HSD17B6: variants seen among roughly 807,000 people sequenced by gnomAD.
HSD17B6 encodes 17-beta-hydroxysteroid dehydrogenase type 6.
Under a neutral mutation model 26.4 loss-of-function variants are expected in HSD17B6, and 16 were observed. The ratio of observed to expected loss-of-function variants is 0.61; its 90% CI spans 0.41 to 0.92. The LOEUF is 0.92. Among genes scored for constraint, HSD17B6 ranks in the 40% least tolerant of loss-of-function variants. The pLI is 0.00. For synonymous variants in HSD17B6, 139 were observed against 153.0 expected (o/e 0.91, Z 0.68); for missense variants, 357 against 386.1 (o/e 0.92, Z 0.63).
At chr12:56,779,116 A>G (rs1954656969) in intron 2 of HSD17B6, among the ~76,000 whole-genome samples, 1 of 151,594 alleles carries the variant, frequency 6.6e-6, no homozygotes, top group Non-Finnish European at 1.5e-5. Context: ...CATTTCTTTC[A>G]TCTATACTAC....
chr12:56,780,686 C>T lies in HSD17B6; in HGVS notation c.314-1288C>T, dbSNP rs1266954693. Among the ~76,000 whole-genome samples the T allele has an allele frequency of 3.3e-5, 5 of 151,610 alleles. No homozygotes were observed. In the South Asian group the frequency reaches 6.3e-4, roughly 19 times the overall value. On this transcript the variant is annotated intron_variant, in intron 2 of 4. Coordinates refer to ENST00000322165, the MANE Select transcript of HSD17B6 (RefSeq NM_003725.4). ...ATCCTGGCGAACACGGTGAAACCCC[C>T]GTCTCTACTAAAAATACCAAAAAAA...
rs570369645 is a variant in HSD17B6 at position 56,783,998 on chromosome 12, G to A, written c.573-855G>A. ...CAGAGATGCTCCTCACCTCCCAGACGGGGTCGCGGCTGGGCCGAGGCGCTC... is the reference window on the plus strand; with the variant it reads ...CAGAGATGCTCCTCACCTCCCAGACAGGGTCGCGGCTGGGCCGAGGCGCTC... On this transcript the variant is annotated intron_variant, in intron 3 of 4. Transcript: ENST00000322165. 2.3e-4 allele frequency among the ~76,000 whole-genome samples: 35 copies of A among 152,156 alleles called. No homozygotes were observed. The South Asian group carries it at 5.6e-3, about 24-fold the overall frequency.
intron 2 of HSD17B6, 147 bp from the exon 3 acceptor site, chr12:56,781,825 ACT>A: frequency 2.5e-6 from 2 of 804,970 alleles, no homozygotes; most frequent in Non-Finnish European, 3.9e-6. Flanking sequence ...TATTTAGCAA[ACT>A]TGTATGTTAT....
chr12:56,783,441 G>A (rs1414039475), intron 3 of HSD17B6, among the ~76,000 whole-genome samples: 15 of 143,014 alleles, frequency 1.0e-4, no homozygotes, highest in Non-Finnish European at 2.0e-4. Flanking sequence ...AGGGGCGGCC[G>A]GGCAGAGGTG....
chr12:56,767,244 G>A (rs1954349075), intron 1 of HSD17B6, among the ~76,000 whole-genome samples: 2 of 152,000 alleles, frequency 1.3e-5, no homozygotes, highest in Admixed American at 1.3e-4. Context: ...CAGGCGCGGT[G>A]GCTCACGCCT....
intron 2 of HSD17B6, 48 bp downstream of exon 2, chr12:56,774,213 G>A (rs368802067): frequency 2.4e-5 from 36 of 1,476,402 alleles, no homozygotes; most frequent in Non-Finnish European, 3.1e-5. Context: ...AGATGCTAAG[G>A]TTATATATAC....
At chr12:56,765,583 G>A (rs1233031377) in intron 1 of HSD17B6, among the ~76,000 whole-genome samples, 3 of 151,584 alleles carry the variant, frequency 2.0e-5, no homozygotes, top group South Asian at 4.2e-4. Context: ...CTGCAACCTC[G>A]ACCTCCCAGG....
intron 1 of HSD17B6, among the ~76,000 whole-genome samples, chr12:56,768,667 T>G (rs538914341): frequency 6.6e-6 from 1 of 151,360 alleles, no homozygotes; most frequent in South Asian, 2.1e-4. Flanking sequence ...GTTGGGAAAT[T>G]TTGAAGGCTA....
At chr12:56,779,909 C>CT (rs1014131405) in intron 2 of HSD17B6, among the ~76,000 whole-genome samples, 1 of 148,772 alleles carries the variant, frequency 6.7e-6, no homozygotes, top group Non-Finnish European at 1.5e-5. Context: ...GGGGCAAAAT[C>CT]TTTTTTTTAA....
At chr12:56,775,136 C>G (rs544765623) in intron 2 of HSD17B6, among the ~76,000 whole-genome samples, 13 of 152,266 alleles carry the variant, frequency 8.5e-5, no homozygotes, top group African/African-American at 3.1e-4. Flanking sequence ...CTGTTGAGGT[C>G]TTTTGTGGCG....
In HSD17B6 at chr12:56,773,824, C is replaced by T. The variant is rs761450841; in HGVS notation, c.-19-10C>T. On this transcript the variant is annotated splice_polypyrimidine_tract_variant and intron_variant, in intron 1 of 4. Transcript: ENST00000322165. ...AAGGAAGGAATAAAATGTTTTCTTT[C>T]TATTGAAAGAGAAGGAAGCACCCTC... 5.3e-6 allele frequency: 8 copies of T among 1,513,628 alleles called. No individual in the cohort carries two copies. Among genetic ancestry groups the T allele is most frequent in the Non-Finnish European group, 7.1e-6 (8 of 1,130,800 alleles). The allele number at this position is 1,513,628 out of a possible 1,614,324, so 93.8% of individuals were successfully genotyped here. A position where few individuals can be genotyped will look rare whatever the true frequency, so the allele number is the denominator to read the frequency against.
At chr12:56,768,012 G>T (rs956995514) in intron 1 of HSD17B6, among the ~76,000 whole-genome samples, 1 of 151,410 alleles carries the variant, frequency 6.6e-6, no homozygotes, top group Non-Finnish European at 1.5e-5. Context: ...ACAGTGCCTG[G>T]CAAGGAAAGT....
At position 56,774,006 on chromosome 12, in the gene HSD17B6, C is replaced by G; in HGVS notation, c.154C>G (p.Arg52Gly). 1.2e-6 allele frequency: 2 copies of G among 1,614,022 alleles called. No individual in the cohort carries two copies. Among genetic ancestry groups the G allele is most frequent in the Non-Finnish European group, 1.7e-6 (2 of 1,179,990 alleles). ...GNLLARQLDA[R>G]GLRVLAACLT... ...CCTGCTGGCCAGACAGCTGGATGCA[C>G]GAGGCTTGAGAGTGCTGGCTGCGTG... Residue 52 changes from arginine (R) to glycine (G), a missense_variant, in exon 2 of 5, where the codon CGA (arginine) becomes GGA (glycine). Transcript: ENST00000322165.
chr12:56,770,683 G>C (rs1218180621), intron 1 of HSD17B6: 1 of 152,130 alleles, frequency 6.6e-6, no homozygotes, highest in Non-Finnish European at 1.5e-5. Context: ...GGGCTCTCAA[G>C]GGCCTTATAG....
At chr12:56,780,698 A>G (rs1954695596) in intron 2 of HSD17B6, among the ~76,000 whole-genome samples, 3 of 152,054 alleles carry the variant, frequency 2.0e-5, no homozygotes, top group Admixed American at 1.3e-4. Context: ...TCTCTACTAA[A>G]AATACCAAAA....
intron 2 of HSD17B6, among the ~76,000 whole-genome samples, chr12:56,780,704 C>CA (rs1049443036): frequency 2.6e-5 from 4 of 151,490 alleles, no homozygotes; most frequent in African/African-American, 9.7e-5. Flanking sequence ...CTAAAAATAC[C>CA]AAAAAAATTA....
chr12:56,767,784 T>C (rs1444601933), intron 1 of HSD17B6, among the ~76,000 whole-genome samples: 1 of 146,228 alleles, frequency 6.8e-6, no homozygotes, highest in East Asian at 2.1e-4. Flanking sequence ...GTATATTATG[T>C]ATATATAATA....
chr12:56,782,660 ATTT>A (rs62818963), intron 3 of HSD17B6, among the ~76,000 whole-genome samples: 3 of 133,100 alleles, frequency 2.3e-5, no homozygotes, highest in Non-Finnish European at 3.2e-5. Flanking sequence ...TGCCCAGCTA[ATTT>A]TTTTTTTTTT....
chr12:56,776,492 G>C (rs560391118), intron 2 of HSD17B6, among the ~76,000 whole-genome samples: 1 of 151,636 alleles, frequency 6.6e-6, no homozygotes, highest in South Asian at 2.1e-4. Context: ...TTTTCTTTTA[G>C]AGACGTCATC....
Sources: gnomAD v4.1 joint callset for allele counts (sites outside exome capture counted in the v4.1 genomes callset) on GRCh38, gnomAD v4.1.1 for gene constraint, MANE v1.5 for transcripts, NCBI Gene and HGNC (gene_info 2026-07-23, HGNC 2026-07-21) for gene names.